The following NCKAP5 variants were observed in gnomAD, a reference collection of about 807,000 sequenced individuals.
The protein encoded by NCKAP5 is nck-associated protein 5.
Under a neutral mutation model 167.0 loss-of-function variants are expected in NCKAP5, and 92 were observed. That is an observed-to-expected ratio of 0.55 (90% CI 0.47 to 0.66). The LOEUF is 0.66. Ranked by LOEUF, NCKAP5 falls within the 30% of genes least tolerant of loss-of-function variation. The probability of loss-of-function intolerance (pLI) is 0.00; values close to 1 mark genes in which losing one functional copy is unlikely to be tolerated. For synonymous variants in NCKAP5, 891 were observed against 877.4 expected (o/e 1.02, Z -0.27); for missense variants, 2,378 against 2,315.0 (o/e 1.03, Z -0.56).
intron 3 of NCKAP5, among the ~76,000 whole-genome samples, chr2:133,471,279 C>G (rs1679276994): frequency 6.6e-6 from 1 of 152,184 alleles, no homozygotes; most frequent in African/African-American, 2.4e-5. Flanking sequence ...CCACTTTACT[C>G]CTGCTAAGTG....
intron 16 of NCKAP5, among the ~76,000 whole-genome samples, chr2:132,753,237 C>T (rs1374946832): frequency 6.6e-6 from 1 of 152,172 alleles, no homozygotes; most frequent in African/African-American, 2.4e-5. Flanking sequence ...CTAATTCAAA[C>T]ACAATTTTTA....
At chr2:132,707,576 TGC>T (rs1688484432) in intron 19 of NCKAP5, among the ~76,000 whole-genome samples, 1 of 152,148 alleles carries the variant, frequency 6.6e-6, no homozygotes, top group Admixed American at 6.5e-5. Flanking sequence ...CCAGGACCAA[TGC>T]CTTTCACTCA....
At chr2:133,167,312 T>C (rs2084039977) in intron 5 of NCKAP5, among the ~76,000 whole-genome samples, 1 of 152,192 alleles carries the variant, frequency 6.6e-6, no homozygotes, top group Admixed American at 6.5e-5. Context: ...TATTATTTAA[T>C]AACTAAGATA....
chr2:132,920,771 G>GTATGTATGTATGTA (rs1553479343), intron 8 of NCKAP5, among the ~76,000 whole-genome samples: 7 of 31,576 alleles, frequency 2.2e-4, no homozygotes, highest in African/African-American at 7.7e-4. Flanking sequence ...ATATATGTAT[G>GTATGTATGTATGTA]TATATATATA....
intron 3 of NCKAP5, among the ~76,000 whole-genome samples, chr2:133,457,542 T>C (rs1187700653): frequency 1.3e-5 from 2 of 152,146 alleles, no homozygotes; most frequent in African/African-American, 4.8e-5. Context: ...TGTAAAATAT[T>C]TAAGATGGGA....
chr2:132,951,172 C>T (rs2076176157), intron 8 of NCKAP5, among the ~76,000 whole-genome samples: 3 of 152,128 alleles, frequency 2.0e-5, no homozygotes, highest in Admixed American at 2.0e-4. Flanking sequence ...GAAACACAGT[C>T]GAACCTGCTT....
the NCKAP5 span, among the ~76,000 whole-genome samples, chr2:133,578,647 C>T: frequency 6.6e-6 from 1 of 152,314 alleles, no homozygotes; most frequent in South Asian, 2.1e-4. Context: ...TCGTGCCTGA[C>T]CCCAATGCAC....
At chr2:132,967,065 G>T (rs1326051939) in intron 7 of NCKAP5, among the ~76,000 whole-genome samples, 1 of 151,964 alleles carries the variant, frequency 6.6e-6, no homozygotes. Context: ...CCACAAAAGT[G>T]ACACAAGTAT....
chr2:133,495,063 T>G (rs910480394), intron 3 of NCKAP5, among the ~76,000 whole-genome samples: 2 of 152,170 alleles, frequency 1.3e-5, no homozygotes, highest in African/African-American at 4.8e-5. Flanking sequence ...CTTTAGATAA[T>G]AACTTTTTCA....
intron 4 of NCKAP5, among the ~76,000 whole-genome samples, chr2:133,231,992 C>T (rs2087172823): frequency 6.6e-6 from 1 of 152,156 alleles, no homozygotes; most frequent in African/African-American, 2.4e-5. Flanking sequence ...AGAAAGGACA[C>T]ACTTTTTAAG....
chr2:133,201,430 T>C (rs142286572), intron 5 of NCKAP5, among the ~76,000 whole-genome samples: 1 of 151,886 alleles, frequency 6.6e-6, no homozygotes, highest in Non-Finnish European at 1.5e-5. Context: ...CTCAAAAACA[T>C]TAGGTTGAAG....
chr2:133,119,731 T>C (rs2082193635), intron 6 of NCKAP5, among the ~76,000 whole-genome samples: 1 of 152,064 alleles, frequency 6.6e-6, no homozygotes, highest in African/African-American at 2.4e-5. Flanking sequence ...AAATAAATGA[T>C]GGAACAGAAA....
At chr2:132,886,432 A>G (rs1335456842) in intron 8 of NCKAP5, among the ~76,000 whole-genome samples, 3 of 152,206 alleles carry the variant, frequency 2.0e-5, no homozygotes, top group Non-Finnish European at 4.4e-5. Context: ...ACATTCAGGA[A>G]ATTAACATTG....
chr2:133,194,723 A>C (rs930281916), intron 5 of NCKAP5, among the ~76,000 whole-genome samples: 1 of 151,770 alleles, frequency 6.6e-6, no homozygotes, highest in African/African-American at 2.4e-5. Flanking sequence ...TATATAACTA[A>C]ATATTGGTGC....
At chr2:133,616,581 A>G in the NCKAP5 span, among the ~76,000 whole-genome samples, 1 of 152,016 alleles carries the variant, frequency 6.6e-6, no homozygotes, top group Non-Finnish European at 1.5e-5. Context: ...CGACACACAC[A>G]CTCTCCCAAG....
intron 19 of NCKAP5, among the ~76,000 whole-genome samples, chr2:132,721,265 G>A (rs991285634): frequency 1.3e-5 from 2 of 152,128 alleles, no homozygotes; most frequent in Non-Finnish European, 2.9e-5. Context: ...CTGAGATCAT[G>A]CCACTGCACT....
At chr2:133,241,202 T>C (rs968269098) in intron 4 of NCKAP5, among the ~76,000 whole-genome samples, 1 of 152,226 alleles carries the variant, frequency 6.6e-6, no homozygotes, top group Non-Finnish European at 1.5e-5. Context: ...TGTAACTTCA[T>C]TCCAGAAATT....
intron 5 of NCKAP5, among the ~76,000 whole-genome samples, chr2:133,201,738 T>G (rs897678778): frequency 1.3e-5 from 2 of 152,178 alleles, no homozygotes; most frequent in Non-Finnish European, 2.9e-5. Context: ...GAAAGTATCA[T>G]GCTTCATGGT....
chr2:132,725,565 G>T (rs979312375), intron 19 of NCKAP5, 62 bp downstream of exon 19: 2 of 1,541,224 alleles, frequency 1.3e-6, no homozygotes, highest in South Asian at 1.3e-5. Context: ...ACAGTGAAAG[G>T]TATAATCAGC....
Sources: allele counts gnomAD v4.1 joint callset (sites outside exome capture counted in the v4.1 genomes callset), GRCh38; gene constraint gnomAD v4.1.1; transcripts MANE v1.5; gene names NCBI Gene and HGNC (gene_info 2026-07-23, HGNC 2026-07-21).